Variants in FYB1 observed in about 807,000 individuals in gnomAD.
FYB1 encodes FYN-binding protein 1.
FYB1 carries 41 observed loss-of-function variants against 94.1 expected under a neutral mutation model. The observed-to-expected ratio is 0.44, with a 90% CI of 0.34 to 0.57. The LOEUF is 0.57. Ranked by LOEUF, FYB1 falls within the 20% of genes least tolerant of loss-of-function variation. The probability of loss-of-function intolerance (pLI) is 0.02; values close to 1 mark genes in which losing one functional copy is unlikely to be tolerated. For missense variants in FYB1, 1,050 were observed against 976.8 expected (o/e 1.07, Z -1.00); for synonymous variants, 367 against 353.2 (o/e 1.04, Z -0.44).
At chr5:39,147,740 C>T (rs1375419193) in intron 3 of FYB1, among the ~76,000 whole-genome samples, 1 of 139,750 alleles carries the variant, frequency 7.2e-6, no homozygotes, top group East Asian at 2.3e-4. Context: ...GAGTCTTGCT[C>T]TGTCGCCCAG....
rs115342463 is a variant in FYB1, at chr5:39,228,868, A to C, written c.-27-25881T>G. ...GAGAGCTAATAAATTTTAAAACACA[A>C]TTAGAGTATTACAGTTGATGACCCC... On this transcript the variant is annotated intron_variant, in intron 1 of 1. Coordinates refer to the FYB1 transcript ENST00000510188. 6.5e-3 allele frequency among the ~76,000 whole-genome samples: 990 copies of C among 152,302 alleles called. 15 individuals carry two copies. Among genetic ancestry groups the C allele is most frequent in the African/African-American group, 0.023 (939 of 41,574 alleles).
chr5:39,124,565 AG>A (rs1290475837), intron 12 of FYB1, among the ~76,000 whole-genome samples: 1 of 152,190 alleles, frequency 6.6e-6, no homozygotes, highest in South Asian at 2.1e-4. Flanking sequence ...CAAAATTTCC[AG>A]ATTTGCTATA....
At chr5:39,140,229 T>C (rs1742048952) in intron 4 of FYB1, among the ~76,000 whole-genome samples, 1 of 152,192 alleles carries the variant, frequency 6.6e-6, no homozygotes, top group Non-Finnish European at 1.5e-5. Context: ...TTTGCAATGT[T>C]TGAAGTTGAC....
chr5:39,126,695 CAA>C (rs1272438775), intron 11 of FYB1, among the ~76,000 whole-genome samples: 4 of 29,026 alleles, frequency 1.4e-4, no homozygotes, highest in Admixed American at 4.1e-4. Context: ...GACCTGGTCT[CAA>C]AAAAAAAAAA....
intron 1 of FYB1, among the ~76,000 whole-genome samples, chr5:39,232,104 C>G (rs942523749): frequency 2.6e-5 from 4 of 151,942 alleles, no homozygotes; most frequent in Non-Finnish European, 5.9e-5. Flanking sequence ...TTTCTCTGAA[C>G]CAAAGATAAG....
intron 16 of FYB1, among the ~76,000 whole-genome samples, chr5:39,116,540 AT>A (rs1277873626): frequency 2.0e-5 from 3 of 152,210 alleles, no homozygotes; most frequent in Admixed American, 2.0e-4. Flanking sequence ...ACTTAGAATT[AT>A]TGATGTTCAA....
At chr5:39,190,958 G>A (rs1421115598) in intron 2 of FYB1, among the ~76,000 whole-genome samples, 18 of 152,140 alleles carry the variant, frequency 1.2e-4, no homozygotes, top group Admixed American at 1.2e-3. Flanking sequence ...TTTTAAAGGT[G>A]ACAATTTCGA....
intron 1 of FYB1, among the ~76,000 whole-genome samples, chr5:39,245,098 G>T (rs1322655004): frequency 6.7e-6 from 1 of 148,326 alleles, no homozygotes; most frequent in Non-Finnish European, 1.5e-5. Context: ...GTTGTCAAAT[G>T]CTAGAATCCA....
At chr5:39,232,357 C>T (rs1750780095) in intron 1 of FYB1, among the ~76,000 whole-genome samples, 1 of 152,008 alleles carries the variant, frequency 6.6e-6, no homozygotes, top group Non-Finnish European at 1.5e-5. Flanking sequence ...TGAGTCAGGG[C>T]TGCTCTGGGC....
chr5:39,130,443 A>G, intron 10 of FYB1, 147 bp downstream of exon 10: 1 of 642,800 alleles, frequency 1.6e-6, no homozygotes, highest in Admixed American at 2.6e-5. Flanking sequence ...TAAAAATGAT[A>G]AATGCTCATG....
At chr5:39,262,541 G>C (rs980058802) in intron 1 of FYB1, among the ~76,000 whole-genome samples, 1 of 152,162 alleles carries the variant, frequency 6.6e-6, no homozygotes, top group Non-Finnish European at 1.5e-5. Context: ...TTTGTAGAAG[G>C]CTGATGGGAG....
intron 1 of FYB1, among the ~76,000 whole-genome samples, chr5:39,238,786 A>G (rs565218512): frequency 6.6e-6 from 1 of 152,250 alleles, no homozygotes; most frequent in South Asian, 2.1e-4. Flanking sequence ...CCGAGAGGGT[A>G]TCAGGGTGAG....
At chr5:39,141,179 A>C (rs758398592) in intron 3 of FYB1, 38 bp from the exon 4 acceptor site, 3 of 1,344,378 alleles carry the variant, frequency 2.2e-6, no homozygotes, top group Admixed American at 3.9e-5. Flanking sequence ...ACATGGAACA[A>C]GTAGATGCTC....
intron 3 of FYB1, among the ~76,000 whole-genome samples, chr5:39,152,441 A>G (rs1027853405): frequency 8.5e-5 from 13 of 152,368 alleles, no homozygotes; most frequent in African/African-American, 3.1e-4. Flanking sequence ...TGTAAGGAAC[A>G]TCAATCTGGT....
chr5:39,145,925 T>TC (rs1742608235), intron 3 of FYB1, among the ~76,000 whole-genome samples: 1 of 151,622 alleles, frequency 6.6e-6, no homozygotes, highest in Non-Finnish European at 1.5e-5. Context: ...TTTTTTTCTT[T>TC]TTTTTAAGAC....
chr5:39,268,172 T>A (rs1220933767), intron 1 of FYB1, among the ~76,000 whole-genome samples: 4 of 152,086 alleles, frequency 2.6e-5, no homozygotes, highest in African/African-American at 9.7e-5. Context: ...CTGGTGATTG[T>A]CCCTTAGTTG....
intron 1 of FYB1, among the ~76,000 whole-genome samples, chr5:39,230,096 C>T (rs1452104551): frequency 6.6e-6 from 1 of 152,182 alleles, no homozygotes; most frequent in Admixed American, 6.5e-5. Flanking sequence ...AAGATGTCCA[C>T]CTCCATATCC....
upstream of FYB1, among the ~76,000 whole-genome samples, chr5:39,224,325 A>G (rs1450098011): frequency 6.6e-6 from 1 of 152,102 alleles, no homozygotes; most frequent in Non-Finnish European, 1.5e-5. Context: ...GGTTTCCCTT[A>G]CTACAGGGAT....
At chr5:39,231,353 C>G (rs1471985610) in intron 1 of FYB1, among the ~76,000 whole-genome samples, 1 of 151,996 alleles carries the variant, frequency 6.6e-6, no homozygotes, top group Non-Finnish European at 1.5e-5. Context: ...ACATGGTTGG[C>G]CATCTTTTCT....
Sources: gnomAD v4.1 joint callset for allele counts (sites outside exome capture counted in the v4.1 genomes callset) on GRCh38, gnomAD v4.1.1 for gene constraint, MANE v1.5 for transcripts, NCBI Gene and HGNC (gene_info 2026-07-23, HGNC 2026-07-21) for gene names.